SORCS2: variants seen among roughly 807,000 people sequenced by gnomAD.
SORCS2 encodes VPS10 domain-containing receptor SorCS2.
SORCS2 carries 100 observed loss-of-function variants against 141.6 expected under a neutral mutation model. The observed-to-expected ratio is 0.71, with a 90% CI of 0.60 to 0.83. SORCS2 has a LOEUF of 0.83. SORCS2 is among the 40% of genes least tolerant of loss of function. The pLI is 0.00. For missense variants in SORCS2, 1,646 were observed against 1,560.2 expected, an observed-to-expected ratio of 1.05 and a Z score of -0.93; for synonymous variants, 789 against 676.9, an observed-to-expected ratio of 1.17 and a Z score of -2.57.
At chr4:7,669,888 T>C (rs1035867072) in intron 8 of SORCS2, among the ~76,000 whole-genome samples, 1 of 152,250 alleles carries the variant, frequency 6.6e-6, no homozygotes, top group African/African-American at 2.4e-5. Context: ...TGATATCTAC[T>C]TTAAATGACT....
At chr4:7,361,815 G>A (rs879321520) in intron 1 of SORCS2, among the ~76,000 whole-genome samples, 6 of 150,986 alleles carry the variant, frequency 4.0e-5, no homozygotes, top group African/African-American at 7.3e-5. Flanking sequence ...GCCGGGCAAG[G>A]CTAAAGCAGC....
At chr4:7,738,926 C>T (rs192411110) in intron 26 of SORCS2, among the ~76,000 whole-genome samples, 232 of 152,254 alleles carry the variant, frequency 1.5e-3, no homozygotes, top group African/African-American at 5.2e-3. Flanking sequence ...GTGGGGGTCC[C>T]TTGTCTCCAG....
intron 1 of SORCS2, among the ~76,000 whole-genome samples, chr4:7,306,993 C>T (rs1438448801): frequency 6.6e-6 from 1 of 152,184 alleles, no homozygotes; most frequent in Non-Finnish European, 1.5e-5. Context: ...GATTCGGTGC[C>T]TGGGAGAGTC....
chr4:7,647,751 G>T (rs1240042206), intron 4 of SORCS2, among the ~76,000 whole-genome samples: 4 of 152,222 alleles, frequency 2.6e-5, no homozygotes, highest in Non-Finnish European at 5.9e-5. Context: ...TCTCCTGGCC[G>T]TGGTTCCTTG....
At chr4:7,351,720 T>C (rs1342129060) in intron 1 of SORCS2, among the ~76,000 whole-genome samples, 2 of 150,634 alleles carry the variant, frequency 1.3e-5, no homozygotes, top group African/African-American at 2.4e-5. Context: ...CTTCTACCCA[T>C]CCATCTTCCC....
intron 2 of SORCS2, among the ~76,000 whole-genome samples, chr4:7,399,066 T>G (rs7676923): frequency 0.72 from 109,984 of 151,934 alleles, 40,090 homozygotes; most frequent in East Asian, 0.97. Context: ...TTGCTTTTTT[T>G]TTGTTGTTTG....
At chr4:7,277,111 C>A (rs555792484) in intron 1 of SORCS2, among the ~76,000 whole-genome samples, 4 of 122,836 alleles carry the variant, frequency 3.3e-5, no homozygotes, top group African/African-American at 6.2e-5. Context: ...GAGGGTCTCT[C>A]CTGGGCTCCT....
At chr4:7,657,037 G>A (rs1241425779) in intron 5 of SORCS2, among the ~76,000 whole-genome samples, 1 of 152,256 alleles carries the variant, frequency 6.6e-6, no homozygotes, top group Non-Finnish European at 1.5e-5. Flanking sequence ...CCTGCGGGGA[G>A]TGGGGCTTTA....
At chr4:7,225,000 A>G (rs1322415121) in intron 1 of SORCS2, among the ~76,000 whole-genome samples, 3 of 152,218 alleles carry the variant, frequency 2.0e-5, no homozygotes, top group African/African-American at 7.2e-5. Context: ...GTTCCATAAA[A>G]TGCTTCCAAG....
chr4:7,691,877 G>A (rs1379045779), intron 11 of SORCS2, among the ~76,000 whole-genome samples: 4 of 151,824 alleles, frequency 2.6e-5, no homozygotes, highest in South Asian at 2.1e-4. Context: ...TGAGGGTCTC[G>A]GTCTCCCAAC....
intron 1 of SORCS2, among the ~76,000 whole-genome samples, chr4:7,311,780 A>C (rs1718199146): frequency 1.3e-5 from 2 of 152,258 alleles, no homozygotes; most frequent in South Asian, 4.1e-4. Context: ...TTTTGTATAC[A>C]TGCAGGATAT....
intron 2 of SORCS2, among the ~76,000 whole-genome samples, chr4:7,451,148 ATGAG>A (rs924010563): frequency 1.1e-4 from 17 of 152,138 alleles, no homozygotes; most frequent in African/African-American, 3.4e-4. Flanking sequence ...GAGTGAAAGA[ATGAG>A]TGAGTGAATC....
chr4:7,718,322 T>G, intron 18 of SORCS2, 139 bp downstream of exon 18: 1 of 954,464 alleles, frequency 1.0e-6, no homozygotes, highest in African/African-American at 1.7e-5. Flanking sequence ...CTGTCCAGAC[T>G]GAAGGAGGCA....
At chr4:7,328,018 CTTTTT>C (rs60976971) in intron 1 of SORCS2, among the ~76,000 whole-genome samples, 34 of 88,744 alleles carry the variant, frequency 3.8e-4, no homozygotes, top group African/African-American at 1.1e-3. Context: ...TCGTGCTAGG[CTTTTT>C]TTTTTTTTTT....
chr4:7,604,295 A>G (rs1487939393), intron 3 of SORCS2, among the ~76,000 whole-genome samples: 2 of 152,160 alleles, frequency 1.3e-5, no homozygotes, highest in African/African-American at 4.8e-5. Flanking sequence ...AGAGAGTTTC[A>G]CAAGATCACT....
chr4:7,592,586 A>T (rs1332860238), intron 3 of SORCS2, among the ~76,000 whole-genome samples: 2 of 152,236 alleles, frequency 1.3e-5, no homozygotes, highest in Non-Finnish European at 2.9e-5. Flanking sequence ...AAAAGTCCAC[A>T]TGCAAATCTG....
chr4:7,655,831 C>T (rs1721737022), intron 5 of SORCS2, among the ~76,000 whole-genome samples: 1 of 152,238 alleles, frequency 6.6e-6, no homozygotes, highest in Non-Finnish European at 1.5e-5. Flanking sequence ...GCTCTGTTCA[C>T]TCCCGGGCCA....
chr4:7,278,052 A>G (rs1223850075), intron 1 of SORCS2, among the ~76,000 whole-genome samples: 1 of 152,208 alleles, frequency 6.6e-6, no homozygotes, highest in Non-Finnish European at 1.5e-5. Flanking sequence ...ATTGAGGCAC[A>G]GAGAGGCTCA....
At chr4:7,629,077 T>G (rs1169434533) in intron 3 of SORCS2, among the ~76,000 whole-genome samples, 1 of 152,028 alleles carries the variant, frequency 6.6e-6, no homozygotes, top group Non-Finnish European at 1.5e-5. Context: ...CCCTCGCTGT[T>G]TTGAAATTTC....
Sources: allele counts gnomAD v4.1 joint callset (sites outside exome capture counted in the v4.1 genomes callset), GRCh38; gene constraint gnomAD v4.1.1; transcripts MANE v1.5; gene names NCBI Gene and HGNC (gene_info 2026-07-23, HGNC 2026-07-21).